Variants in LPL observed in about 807,000 individuals in gnomAD.
The protein encoded by LPL is lipoprotein lipase.
Under a neutral mutation model 52.2 loss-of-function variants are expected in LPL, and 43 were observed. The ratio of observed to expected loss-of-function variants is 0.82; its 90% CI spans 0.64 to 1.06. The LOEUF is 1.06. Ranked by LOEUF, LPL falls within the 50% of genes least tolerant of loss-of-function variation. The probability of loss-of-function intolerance (pLI) is 0.00; values close to 1 mark genes in which losing one functional copy is unlikely to be tolerated. For missense variants in LPL, 639 were observed against 585.3 expected (o/e 1.09, Z -0.95); for synonymous variants, 244 against 215.6 (o/e 1.13, Z -1.15).
Position 19,953,381 on chromosome 8 carries a change from T to C in LPL, c.501T>C (p.Ile167=), listed in dbSNP as rs1425981651. The C allele has an allele frequency of 8.1e-6, 13 of 1,613,964 alleles. No individual in the cohort carries two copies. Among genetic ancestry groups the C allele is most frequent in the Non-Finnish European group, 1.0e-5 (12 of 1,179,944 alleles). Residue 167 remains isoleucine (I), a synonymous_variant, in exon 4 of 10, where the codon ATT becomes ATC. Transcript: ENST00000650287. The part of the protein sequence containing the change: ...GYSLGAHAAG[I]AGSLTNKKVN... ...GCCTTGGAGCCCATGCTGCTGGCAT[T>C]GCAGGAAGTCTGACCAATAAGAAAG...
At chr8:19,956,696 CCAT>C (rs1260324039) in intron 6 of LPL, among the ~76,000 whole-genome samples, 1 of 152,156 alleles carries the variant, frequency 6.6e-6, no homozygotes, top group Non-Finnish European at 1.5e-5. Context: ...ACATTCATTA[CCAT>C]ATTGTCAAAG....
At chr8:19,956,232 T>A (rs2069984715) in intron 6 of LPL, 149 bp downstream of exon 6, 2 of 1,145,540 alleles carry the variant, frequency 1.7e-6, no homozygotes, top group East Asian at 2.5e-5. Flanking sequence ...TGATAGGGGG[T>A]TGCATTGATC....
At position 19,950,441 on chromosome 8, in the gene LPL, G is replaced by A. The variant is rs973757828; in HGVS notation, c.250-1328G>A. Among the ~76,000 whole-genome samples the A allele has an allele frequency of 5.3e-5, 8 of 152,116 alleles. No homozygotes were observed. Among genetic ancestry groups the A allele is most frequent in the African/African-American group, 1.2e-4 (5 of 41,410 alleles). On this transcript the variant is annotated intron_variant, in intron 2 of 9. Coordinates refer to ENST00000650287, the MANE Select transcript of LPL (RefSeq NM_000237.3). The surrounding 1 kb of genome is among the most constrained non-coding windows in gnomAD (Gnocchi z 4.2). ...GAAAGGATTCAATTAGCTATTGTTC[G>A]GTTAATAAAAATGTCAGCCACTGTA...
chr8:19,954,875 G>T (rs1240266231), intron 5 of LPL, among the ~76,000 whole-genome samples: 1 of 152,066 alleles, frequency 6.6e-6, no homozygotes, highest in East Asian at 1.9e-4. Flanking sequence ...CCAAGCTGGG[G>T]TGCAGTCACA....
chr8:19,940,683 G>A (rs899368503), intron 1 of LPL, among the ~76,000 whole-genome samples: 1 of 152,262 alleles, frequency 6.6e-6, no homozygotes, highest in Admixed American at 6.5e-5. Context: ...TGTGCTCTCA[G>A]GCGGCACGTC....
intron 3 of LPL, 63 bp downstream of exon 3, chr8:19,952,011 C>T (rs1397927929): frequency 3.6e-5 from 56 of 1,571,442 alleles, no homozygotes; most frequent in Non-Finnish European, 4.6e-5. Flanking sequence ...GCCAGAAAAC[C>T]GGCTGTTCTT....
At chr8:19,953,974 C>G in intron 4 of LPL, 146 bp from the exon 5 acceptor site, 1 of 702,942 alleles carries the variant, frequency 1.4e-6, no homozygotes, top group Admixed American at 2.2e-5. Flanking sequence ...TTTTATGTCT[C>G]TCTAAGTAAA....
intron 5 of LPL, among the ~76,000 whole-genome samples, chr8:19,955,347 T>C (rs749240170): frequency 3.3e-5 from 5 of 152,230 alleles, no homozygotes; most frequent in Non-Finnish European, 7.3e-5. Flanking sequence ...AACACCATTT[T>C]AAGTTGAGAA....
chr8:19,965,778 T>A lies in LPL; in HGVS notation c.*468T>A, dbSNP rs1351526038. On this transcript the variant is annotated 3_prime_UTR_variant, in exon 10 of 10. Coordinates refer to ENST00000650287, the MANE Select transcript of LPL (RefSeq NM_000237.3). The stretch of plus-strand genomic sequence containing the variant: ...TTTTCCGCGGCACGAATCAGACTCA[T>A]CTACACAGCAGTATGAATGATGTTT... 1 of 159,798 alleles carries A rather than the reference T, an allele frequency of 6.3e-6. No individual in the cohort carries two copies. Among genetic ancestry groups the A allele is most frequent in the African/African-American group, 2.4e-5 (1 of 41,582 alleles). The allele number at this position is 159,798 out of a possible 1,614,324, so 9.9% of individuals were successfully genotyped here. A position where few individuals can be genotyped will look rare whatever the true frequency, so the allele number is the denominator to read the frequency against.
chr8:19,960,022 C>T lies in LPL; in HGVS notation c.1139+642C>T, dbSNP rs1336525939. Among the ~76,000 whole-genome samples the T allele has an allele frequency of 1.3e-5, 2 of 151,956 alleles. 1 individual carries two copies. The highest frequency in any genetic ancestry group is 1.3e-4 in the Admixed American group (2 of 15,266). On this transcript the variant is annotated intron_variant, in intron 7 of 9. Transcript: ENST00000650287. ...CAAGCTGGTCTTGAATTCCTGATCT[C>T]AGGTGATCCACCCGCCTCGGCCTCC...
rs577137979 is a variant in LPL, at chr8:19,966,376, G to A, written c.*1066G>A. On this transcript the variant is annotated 3_prime_UTR_variant, in exon 10 of 10. Transcript: ENST00000650287. Reference sequence around the variant, plus strand: ...TTTTACTAAGTAAAAGGGTGGAGAGGTTCCTGGGGTGGATTCCTAAGCAGT... The same window carrying A: ...TTTTACTAAGTAAAAGGGTGGAGAGATTCCTGGGGTGGATTCCTAAGCAGT... The A allele has an allele frequency of 6.6e-6, 1 of 152,260 alleles. No homozygotes were observed. Among genetic ancestry groups the A allele is most frequent in the African/African-American group, 2.4e-5 (1 of 41,562 alleles). 9.4% of individuals were successfully genotyped at this position (152,260 alleles called of 1,614,324 possible). A position where few individuals can be genotyped will look rare whatever the true frequency, so the allele number is the denominator to read the frequency against.
Position 19,960,926 on chromosome 8 carries a change from T to C in LPL, c.1165T>C (p.Tyr389His), listed in dbSNP as rs761714988. 1 of 1,613,974 alleles carries C rather than the reference T, an allele frequency of 6.2e-7. No individual in the cohort carries two copies. The highest frequency in any genetic ancestry group is 8.5e-7 in the Non-Finnish European group (1 of 1,179,904). Residue 389 changes from tyrosine (Y) to histidine (H), a missense_variant, in exon 8 of 10, where the codon TAC becomes CAC. Transcript: ENST00000650287. ...GCCTGAAGTTTCCACAAATAAGACC[T>C]ACTCCTTCCTAATTTACACAGAGGT... ...TLPEVSTNKT[Y>H]SFLIYTEVDI...
Position 19,951,780 on chromosome 8 carries a change from G to A in LPL, c.261G>A (p.Met87Ile), listed in dbSNP as rs774547249. The change falls in exon 3 of 10, where the codon ATG becomes ATA. Residue 87 changes from methionine (M) to isoleucine (I), a missense_variant. Met to Ile is a conservative substitution (Grantham distance 10). Coordinates refer to ENST00000650287, the MANE Select transcript of LPL (RefSeq NM_000237.3). ...MVIHGWTVTG[M>I]YESWVPKLVA... ...GTCATCATCTTCAGGTAACAGGAAT[G>A]TATGAGAGTTGGGTGCCAAAACTTG... 3 of 1,614,212 alleles carry A rather than the reference G, an allele frequency of 1.9e-6. No individual in the cohort carries two copies. Among genetic ancestry groups the A allele is most frequent in the East Asian group, 2.2e-5 (1 of 44,874 alleles).
intron 7 of LPL, among the ~76,000 whole-genome samples, chr8:19,960,007 T>C (rs1001321000): frequency 1.3e-5 from 2 of 151,980 alleles, no homozygotes; most frequent in Non-Finnish European, 1.5e-5. Flanking sequence ...CAAGCTGGTC[T>C]TGAATTCCTG....
chr8:19,959,396 G>C lies in LPL; in HGVS notation c.1139+16G>C. 6.2e-7 allele frequency: 1 copy of C among 1,613,804 alleles called. No homozygotes were observed. The highest frequency in any genetic ancestry group is 8.5e-7 in the Non-Finnish European group (1 of 1,179,902). On this transcript the variant is annotated intron_variant, in intron 7 of 9. Coordinates refer to ENST00000650287, the MANE Select transcript of LPL (RefSeq NM_000237.3). ...CATTCACTCTGTGAGTAGCACAGGG[G>C]GGCGGTCATCATGGCACCAGTCCCT... is the stretch of plus-strand genomic sequence containing the variant.
chr8:19,948,629 G>A, intron 2 of LPL: 1 of 400,682 alleles, frequency 2.5e-6, no homozygotes, highest in East Asian at 4.5e-5. Context: ...CTGAGCAGAA[G>A]ATAGGTGATT....
rs773843594 is a variant in LPL at position 19,953,346 on chromosome 8, T to C, written c.466T>C (p.Leu156=). ...FNYPLDNVHL[L]GYSLGAHAAG... is the part of the protein sequence containing the mutation. ...CTACCCTCTGGACAATGTCCATCTC[T>C]TGGGATACAGCCTTGGAGCCCATGC... The change falls in exon 4 of 10, where the codon TTG becomes CTG. Residue 156 remains leucine (L), a synonymous_variant. Transcript: ENST00000650287. The C allele has an allele frequency of 1.9e-6, 3 of 1,614,008 alleles. No individual in the cohort carries two copies. The South Asian group carries it at 3.3e-5, about 18-fold the overall frequency.
At chr8:19,953,573 A>G (rs1327413580) in intron 4 of LPL, 152 bp downstream of exon 4, 9 of 669,804 alleles carry the variant, frequency 1.3e-5, no homozygotes, top group African/African-American at 3.6e-5. Context: ...AGGGCTCTTT[A>G]TTAGGGATAA....
rs2128839813 is a variant in LPL, at chr8:19,962,127, T to C, written c.1335T>C (p.Cys445=). The change falls in exon 9 of 10, where the codon TGT becomes TGC. Residue 445 remains cysteine, a synonymous_variant. Transcript: ENST00000650287. ...TTTTCTTCCACAGGGTGATCTTCTG[T>C]TCTAGGGAGAAAGTGTCTCATTTGC... ...AGETQKKVIF[C]SREKVSHLQK... is the part of the protein sequence containing the mutation. 5.0e-6 allele frequency: 8 copies of C among 1,612,756 alleles called. No individual in the cohort carries two copies. The highest frequency in any genetic ancestry group is 6.8e-6 in the Non-Finnish European group (8 of 1,178,768).
Sources: allele counts gnomAD v4.1 joint callset (sites outside exome capture counted in the v4.1 genomes callset), GRCh38; gene constraint gnomAD v4.1.1; non-coding constraint Gnocchi (gnomAD v3.1); transcripts MANE v1.5; gene names NCBI Gene and HGNC (gene_info 2026-07-23, HGNC 2026-07-21).